CCDC192: variants seen among roughly 807,000 people sequenced by gnomAD.
CCDC192 encodes coiled-coil domain containing 192.
At chr5:127,844,051 G>A (rs542930847) in intron 5 of CCDC192, among the ~76,000 whole-genome samples, 9 of 152,236 alleles carry the variant, frequency 5.9e-5, no homozygotes, top group South Asian at 4.1e-4. Context: ...TATAAAAAAC[G>A]TAAAATAAAC....
At chr5:127,722,399 A>G (rs1050643637) in intron 2 of CCDC192, among the ~76,000 whole-genome samples, 7 of 151,186 alleles carry the variant, frequency 4.6e-5, no homozygotes, top group Non-Finnish European at 8.8e-5. Flanking sequence ...ATTTTCTCCC[A>G]TTTGTGGGTT....
chr5:127,796,801 A>G (rs771125914), intron 3 of CCDC192, among the ~76,000 whole-genome samples: 1 of 152,232 alleles, frequency 6.6e-6, no homozygotes, highest in Non-Finnish European at 1.5e-5. Flanking sequence ...CTTGAAACAC[A>G]GTGAAGATGA....
chr5:127,716,120 G>C (rs1289124615), intron 2 of CCDC192, among the ~76,000 whole-genome samples: 1 of 151,956 alleles, frequency 6.6e-6, no homozygotes, highest in East Asian at 1.9e-4. Context: ...TTCATCAAAT[G>C]CTTTTTTTTT....
At chr5:127,920,900 A>G (rs1186832428) in intron 6 of CCDC192, among the ~76,000 whole-genome samples, 1 of 151,638 alleles carries the variant, frequency 6.6e-6, no homozygotes, top group East Asian at 2.0e-4. Flanking sequence ...ATTTCTCCAA[A>G]AAGACAAAAA....
intron 2 of CCDC192, among the ~76,000 whole-genome samples, chr5:127,752,516 A>C (rs999575065): frequency 3.3e-5 from 5 of 152,216 alleles, no homozygotes; most frequent in African/African-American, 1.2e-4. Context: ...CTCTCTTCAA[A>C]GCTGTCAGAC....
chr5:127,784,524 C>T (rs1367270635), intron 3 of CCDC192: 3 of 368,096 alleles, frequency 8.2e-6, no homozygotes, highest in Non-Finnish European at 1.5e-5. Flanking sequence ...ACAATGGTGG[C>T]AGGCTGGCTG....
chr5:127,920,284 A>T (rs1005252078), intron 6 of CCDC192, among the ~76,000 whole-genome samples: 3 of 152,176 alleles, frequency 2.0e-5, no homozygotes, highest in Non-Finnish European at 4.4e-5. Context: ...AATAGAAAAA[A>T]ATTATCTAAA....
intron 5 of CCDC192, among the ~76,000 whole-genome samples, chr5:127,865,943 T>A (rs1751590431): frequency 6.6e-6 from 1 of 152,142 alleles, no homozygotes; most frequent in Admixed American, 6.6e-5. Context: ...TGTAGTGGCA[T>A]TTGCTGTCCC....
chr5:127,921,714 G>A (rs7711172), intron 6 of CCDC192, among the ~76,000 whole-genome samples: 24,747 of 152,108 alleles, frequency 0.16, 4,960 homozygotes, highest in African/African-American at 0.46. Flanking sequence ...GGAAATTACT[G>A]TAGTGGCCAT....
chr5:127,710,974 AT>A (rs1202064732), intron 2 of CCDC192, among the ~76,000 whole-genome samples: 1 of 152,174 alleles, frequency 6.6e-6, no homozygotes, highest in Non-Finnish European at 1.5e-5. Flanking sequence ...TATTTAAACT[AT>A]TGCTTTTGCT....
chr5:127,752,755 A>G (rs1754285307), intron 2 of CCDC192, among the ~76,000 whole-genome samples: 1 of 152,186 alleles, frequency 6.6e-6, no homozygotes, highest in Non-Finnish European at 1.5e-5. Context: ...CTGTGCTAGC[A>G]GTCAGCGAGA....
rs139767281 is a variant in CCDC192, at chr5:127,716,690, G to A, written c.114+8930G>A. On this transcript the variant is annotated intron_variant, in intron 2 of 6. Coordinates refer to ENST00000514853, the MANE Select transcript of CCDC192 (RefSeq NM_001317938.2). ...CTCTCTAGAAATTTCCCTCAGCTGA[G>A]GGAGCTCCAATTTACCACAATTACC... 3.8e-3 allele frequency among the ~76,000 whole-genome samples: 583 copies of A among 152,172 alleles called. 3 individuals carry two copies. Among genetic ancestry groups the A allele is most frequent in the African/African-American group, 0.013 (553 of 41,520 alleles).
chr5:127,735,529 T>C (rs1315128839), intron 2 of CCDC192, among the ~76,000 whole-genome samples: 26 of 78,376 alleles, frequency 3.3e-4, no homozygotes, highest in Non-Finnish European at 2.5e-4. Flanking sequence ...AGTATGGTCA[T>C]TTTCACAATA....
intron 6 of CCDC192, among the ~76,000 whole-genome samples, chr5:127,884,235 C>T (rs1459664629): frequency 1.1e-4 from 17 of 147,848 alleles, no homozygotes; most frequent in African/African-American, 2.5e-4. Flanking sequence ...CCCAGCTACT[C>T]GGGAGGCTGA....
At chr5:127,940,574 C>G (rs1042358734) in intron 6 of CCDC192, 1 of 152,088 alleles carries the variant, frequency 6.6e-6, no homozygotes, top group African/African-American at 2.4e-5. Context: ...CTCAGCCTCC[C>G]GAGTAGCTGG....
In CCDC192 at chr5:127,847,852, A is replaced by C. The variant is rs572316765; in HGVS notation, c.412-27686A>C. ...AAATAAATAAATAAATAAATAAATA[A>C]ATACATAAATAAATGCTCACTGCAA... On this transcript the variant is annotated intron_variant, in intron 5 of 6. Coordinates refer to ENST00000514853, the MANE Select transcript of CCDC192 (RefSeq NM_001317938.2). Among the ~76,000 whole-genome samples the C allele has an allele frequency of 8.6e-5, 13 of 151,280 alleles. No homozygotes were observed. The South Asian group carries it at 1.0e-3, about 12-fold the overall frequency.
chr5:127,818,385 A>T (rs772094991), intron 5 of CCDC192, among the ~76,000 whole-genome samples: 2 of 152,040 alleles, frequency 1.3e-5, no homozygotes, highest in African/African-American at 2.4e-5. Flanking sequence ...CATTTTTTTT[A>T]AAAAACGAAT....
At chr5:127,760,895 A>G (rs953830954) in intron 3 of CCDC192, among the ~76,000 whole-genome samples, 1 of 152,126 alleles carries the variant, frequency 6.6e-6, no homozygotes, top group Non-Finnish European at 1.5e-5. Flanking sequence ...GACTCCTGGA[A>G]TGTAAGAGGT....
intron 5 of CCDC192, among the ~76,000 whole-genome samples, chr5:127,809,679 A>G (rs1440654696): frequency 6.6e-6 from 1 of 152,190 alleles, no homozygotes; most frequent in Admixed American, 6.5e-5. Context: ...CTAGTATTGC[A>G]TATAGTTTTA....
Sources: allele counts gnomAD v4.1 joint callset (sites outside exome capture counted in the v4.1 genomes callset), GRCh38; gene constraint gnomAD v4.1.1; transcripts MANE v1.5; gene names NCBI Gene and HGNC (gene_info 2026-07-23, HGNC 2026-07-21).